BOC: variants seen among roughly 807,000 people sequenced by gnomAD.
BOC encodes the protein BOC cell adhesion associated, oncogene regulated, also known as brother of CDO.
BOC carries 76 observed loss-of-function variants against 112.0 expected under a neutral mutation model. The ratio of observed to expected loss-of-function variants is 0.68; its 90% CI spans 0.56 to 0.82. The LOEUF is 0.82. Among genes scored for constraint, BOC ranks in the 40% least tolerant of loss-of-function variants. The pLI is 0.00. For synonymous variants in BOC, 580 were observed against 599.8 expected (o/e 0.97, Z 0.48); for missense variants, 1,309 against 1,511.7 (o/e 0.87, Z 2.22).
chr3:113,243,960 T>A (rs1435179586), intron 2 of BOC, among the ~76,000 whole-genome samples: 1 of 152,236 alleles, frequency 6.6e-6, no homozygotes, highest in Non-Finnish European at 1.5e-5. Context: ...CTTGAGCTAA[T>A]TGCTTCGATC....
At chr3:113,240,715 A>G (rs550118091) in intron 2 of BOC, among the ~76,000 whole-genome samples, 2 of 152,204 alleles carry the variant, frequency 1.3e-5, no homozygotes, top group Non-Finnish European at 2.9e-5. Context: ...GAGGAATTCT[A>G]TCATATCTTG....
At chr3:113,250,898 C>T in intron 4 of BOC, 65 bp downstream of exon 4, 1 of 1,579,316 alleles carries the variant, frequency 6.3e-7, no homozygotes, top group Non-Finnish European at 8.6e-7. Context: ...ACCCTGAAGC[C>T]CCCACCATTC....
Position 113,278,245 on chromosome 3 carries a change from AC to A in BOC, c.1695del (p.Phe566SerfsTer60). The A allele has an allele frequency of 6.2e-7, 1 of 1,614,168 alleles. No homozygotes were observed. Among genetic ancestry groups the A allele is most frequent in the Non-Finnish European group, 8.5e-7 (1 of 1,180,018 alleles). The part of the protein sequence containing the change: ...CAGEGQTAMV[T>X]FRTGRRPKPE... Reference sequence around the variant, plus strand: ...GGGAGAGGGCCAGACAGCCATGGTCACCTTCCGAACTGGTGAGAGTCAAACA... The same window carrying A: ...GGGAGAGGGCCAGACAGCCATGGTCACTTCCGAACTGGTGAGAGTCAAACA... On this transcript the variant is annotated frameshift_variant, in exon 10 of 20. Coordinates refer to ENST00000682979, the MANE Select transcript of BOC (RefSeq NM_001378074.1). LOFTEE classifies it high-confidence loss of function. This position sits in a 1 kb window ranked among gnomAD's most constrained non-coding sequence, Gnocchi z 4.2.
At position 113,276,502 on chromosome 3, in the gene BOC, G is replaced by A. The variant is rs548902481; in HGVS notation, c.1543-1593G>A. 1.7e-4 allele frequency among the ~76,000 whole-genome samples: 26 copies of A among 152,316 alleles called. No homozygotes were observed. In the South Asian group the frequency reaches 5.2e-3, roughly 30 times the overall value. On this transcript the variant is annotated intron_variant, in intron 9 of 19. Coordinates refer to ENST00000682979, the MANE Select transcript of BOC (RefSeq NM_001378074.1). ...GGTCTCCTCAGCCTGGGGTTGCCAA[G>A]GCAGAAGTTCTGGCTTGAAAGCAGT...
In BOC at chr3:113,274,927, C is replaced by T. The variant is rs775299119; in HGVS notation, c.1542+245C>T. The stretch of plus-strand genomic sequence containing the variant: ...AAAAGCCTTGTGCGTGCATCCAGTA[C>T]TAAGCTCTATGCACTCAATTCCCAG... On this transcript the variant is annotated intron_variant, in intron 9 of 19. Transcript: ENST00000682979. The surrounding 1 kb of genome is among the most constrained non-coding windows in gnomAD (Gnocchi z 4.8). 2.0e-4 allele frequency among the ~76,000 whole-genome samples: 31 copies of T among 152,356 alleles called. No individual in the cohort carries two copies. Among genetic ancestry groups the T allele is most frequent in the Non-Finnish European group, 3.1e-4 (21 of 68,034 alleles).
At chr3:113,217,125 C>T (rs1418087253) in intron 2 of BOC, among the ~76,000 whole-genome samples, 1 of 152,148 alleles carries the variant, frequency 6.6e-6, no homozygotes, top group Non-Finnish European at 1.5e-5. Context: ...ATACCAGAGC[C>T]CATGCGCCAT....
chr3:113,280,930 T>C, intron 14 of BOC, 101 bp from the exon 15 acceptor site: 1 of 1,495,606 alleles, frequency 6.7e-7, no homozygotes, highest in South Asian at 1.2e-5. Flanking sequence ...GTCAGTGGCA[T>C]CCTCCCCCAC....
chr3:113,257,603 G>T, intron 4 of BOC, among the ~76,000 whole-genome samples: 1 of 143,146 alleles, frequency 7.0e-6, no homozygotes, highest in Non-Finnish European at 1.5e-5. Flanking sequence ...AAGTGTAGGG[G>T]TGGAGAGGAT....
chr3:113,269,115 G>A (rs1364597869), intron 5 of BOC, among the ~76,000 whole-genome samples: 2 of 152,196 alleles, frequency 1.3e-5, no homozygotes, highest in South Asian at 2.1e-4. Flanking sequence ...TGCCTAATAA[G>A]CCCATTCATG....
intron 2 of BOC, among the ~76,000 whole-genome samples, chr3:113,231,135 A>G (rs900405526): frequency 6.6e-6 from 1 of 152,210 alleles, no homozygotes; most frequent in African/African-American, 2.4e-5. Context: ...TGGTTGGGAA[A>G]TGAGGCCTAT....
chr3:113,231,624 G>A (rs570896679), intron 2 of BOC, among the ~76,000 whole-genome samples: 3 of 152,322 alleles, frequency 2.0e-5, no homozygotes, highest in Admixed American at 1.3e-4. Context: ...GATTCATGAT[G>A]CATAATAGCA....
At position 113,278,037 on chromosome 3, in the gene BOC, T is replaced by G; in HGVS notation, c.1543-58T>G. On this transcript the variant is annotated intron_variant, in intron 9 of 19. Transcript: ENST00000682979. This position sits in a 1 kb window ranked among gnomAD's most constrained non-coding sequence, Gnocchi z 4.2. ...TCAGCGCTGCTTTCTTTGTAAACCA[T>G]AGCCCACTCGTAGCCCGAGGCTGAG... 6.9e-6 allele frequency: 11 copies of G among 1,592,608 alleles called. No homozygotes were observed. The highest frequency in any genetic ancestry group is 2.3e-5 in the South Asian group (2 of 88,730).
chr3:113,282,507 G>C (rs1377643891), intron 15 of BOC, among the ~76,000 whole-genome samples: 2 of 152,192 alleles, frequency 1.3e-5, no homozygotes, highest in Non-Finnish European at 2.9e-5. Flanking sequence ...TCATGAGAAA[G>C]GAACAAGGTA....
Position 113,242,740 on chromosome 3 carries a change from T to A in BOC, c.-81-6982T>A, listed in dbSNP as rs563099262. Among the ~76,000 whole-genome samples the A allele has an allele frequency of 5.3e-5, 8 of 152,286 alleles. No individual in the cohort carries two copies. The South Asian group carries it at 1.7e-3, about 32-fold the overall frequency. Reference sequence around the variant, plus strand: ...CACTAACTCCTCTCCTTCTGTGGTATGAATTTTAAACTCTTTTCTCTGGTC... The same window carrying A: ...CACTAACTCCTCTCCTTCTGTGGTAAGAATTTTAAACTCTTTTCTCTGGTC... On this transcript the variant is annotated intron_variant, in intron 2 of 19. Transcript: ENST00000682979.
rs747833809 is a variant in BOC, at chr3:113,268,328, C to T, written c.406C>T (p.His136Tyr). Reference sequence around the variant, plus strand: ...CCAGGACTTCAAGTTAGATGTGCAGCACGTGATTGAAGTGGATGAGGGAAA... The same window carrying T: ...CCAGGACTTCAAGTTAGATGTGCAGTACGTGATTGAAGTGGATGAGGGAAA... ...NLQDFKLDVQ[H>Y]VIEVDEGNTA... Residue 136 changes from histidine to tyrosine, a missense_variant, in exon 5 of 20, where the codon CAC (histidine) becomes TAC (tyrosine). Physicochemically the swap from His to Tyr is moderately conservative, Grantham distance 83. Transcript: ENST00000682979. 2 of 1,614,166 alleles carry T rather than the reference C, an allele frequency of 1.2e-6. No individual in the cohort carries two copies. The highest frequency in any genetic ancestry group is 1.7e-6 in the Non-Finnish European group (2 of 1,180,036).
intron 2 of BOC, among the ~76,000 whole-genome samples, chr3:113,224,168 G>A (rs191501407): frequency 1.3e-5 from 2 of 152,326 alleles, no homozygotes; most frequent in East Asian, 1.9e-4. Flanking sequence ...ATCCACATCC[G>A]GTGGTGGTGG....
intron 2 of BOC, among the ~76,000 whole-genome samples, chr3:113,228,786 C>T (rs1210500875): frequency 6.6e-6 from 1 of 152,156 alleles, no homozygotes; most frequent in Admixed American, 6.5e-5. Flanking sequence ...GGAGGGAAGA[C>T]ACTTCAAACC....
chr3:113,223,871 A>G lies in BOC; in HGVS notation c.-82+7597A>G, dbSNP rs116643677. Among the ~76,000 whole-genome samples, 1,202 of 152,336 alleles carry G rather than the reference A, an allele frequency of 7.9e-3. 15 individuals are homozygous for G. The highest frequency in any genetic ancestry group is 0.028 in the African/African-American group (1,150 of 41,568). On this transcript the variant is annotated intron_variant, in intron 2 of 19. Coordinates refer to ENST00000682979, the MANE Select transcript of BOC (RefSeq NM_001378074.1). The stretch of plus-strand genomic sequence containing the variant: ...CCCTCGCCCGCAACCAGAGCCCTGC[A>G]GGTCTGCAGTGTGGTCCCTTTATCA...
chr3:113,220,963 A>G (rs1940513655), intron 2 of BOC, among the ~76,000 whole-genome samples: 1 of 152,210 alleles, frequency 6.6e-6, no homozygotes, highest in African/African-American at 2.4e-5. Flanking sequence ...GTGCTGGGAA[A>G]GATGGCTGTG....
Sources: gnomAD v4.1 joint callset for allele counts (sites outside exome capture counted in the v4.1 genomes callset) on GRCh38, gnomAD v4.1.1 for gene constraint, Gnocchi (gnomAD v3.1) non-coding constraint, MANE v1.5 for transcripts, NCBI Gene and HGNC (gene_info 2026-07-23, HGNC 2026-07-21) for gene names.